Variants in MAF observed in about 807,000 individuals in gnomAD.
MAF encodes the protein transcription factor Maf.
Under a neutral mutation model 22.0 loss-of-function variants are expected in MAF, and 10 were observed. The ratio of observed to expected loss-of-function variants is 0.45; its 90% CI spans 0.28 to 0.77. MAF has a LOEUF of 0.77. Ranked by LOEUF, MAF falls within the 30% of genes least tolerant of loss-of-function variation. The pLI is 0.12. For synonymous variants in MAF, 337 were observed against 255.8 expected, an observed-to-expected ratio of 1.32 and a Z score of -3.03; for missense variants, 544 against 548.4, an observed-to-expected ratio of 0.99 and a Z score of 0.08.
At chr16:79,219,760 A>G in the MAF span, among the ~76,000 whole-genome samples, 2 of 152,102 alleles carry the variant, frequency 1.3e-5, no homozygotes, top group East Asian at 1.9e-4. Flanking sequence ...TGTACCTCAG[A>G]CTTCATTCCT....
rs530222992 is a variant in MAF at position 79,586,343 on chromosome 16, G to A, written c.1119-402C>T. 1.2e-4 allele frequency among the ~76,000 whole-genome samples: 18 copies of A among 152,282 alleles called. No individual in the cohort carries two copies. In the South Asian group the frequency reaches 2.9e-3, roughly 25 times the overall value. On this transcript the variant is annotated intron_variant, in intron 1 of 1. Coordinates refer to the MAF transcript ENST00000569649. ...TCTCTCAAGGACTCTCAGGCTGTCC[G>A]CCCCTGGGAGAACCACACTGGCCCA...
At chr16:79,215,208 T>G in the MAF span, among the ~76,000 whole-genome samples, 1 of 152,156 alleles carries the variant, frequency 6.6e-6, no homozygotes, top group African/African-American at 2.4e-5. Context: ...CACTGCTCCT[T>G]CCATAAGTTG....
the MAF span, among the ~76,000 whole-genome samples, chr16:79,447,948 C>G: frequency 6.9e-6 from 1 of 145,074 alleles, no homozygotes; most frequent in Admixed American, 6.9e-5. Context: ...GAAGATATGA[C>G]TGAATTGCTG....
chr16:79,246,310 C>G, the MAF span, among the ~76,000 whole-genome samples: 1 of 152,132 alleles, frequency 6.6e-6, no homozygotes, highest in African/African-American at 2.4e-5. Context: ...AAGAGTCCAT[C>G]TGTTTGAAAA....
At chr16:79,361,833 T>A in the MAF span, among the ~76,000 whole-genome samples, 1 of 152,158 alleles carries the variant, frequency 6.6e-6, no homozygotes, top group Non-Finnish European at 1.5e-5. Context: ...GATAAATGCT[T>A]AAAGTCCAGG....
the MAF span, among the ~76,000 whole-genome samples, chr16:79,239,377 C>G: frequency 6.6e-6 from 1 of 151,940 alleles, no homozygotes; most frequent in Non-Finnish European, 1.5e-5. Context: ...GGTAAAGTCC[C>G]GGGCAAGTTG....
the MAF span, among the ~76,000 whole-genome samples, chr16:79,266,212 G>T: frequency 6.6e-6 from 1 of 152,198 alleles, no homozygotes; most frequent in Admixed American, 6.5e-5. Flanking sequence ...AAGCTGGAGG[G>T]AGCAGGATTT....
intron 1 of MAF, among the ~76,000 whole-genome samples, chr16:79,586,919 T>A (rs1912879222): frequency 6.6e-6 from 1 of 152,256 alleles, no homozygotes; most frequent in Non-Finnish European, 1.5e-5. Context: ...CCAACATGGA[T>A]ATTCAGTTAT....
At chr16:79,445,397 T>G in the MAF span, among the ~76,000 whole-genome samples, 1 of 152,310 alleles carries the variant, frequency 6.6e-6, no homozygotes, top group African/African-American at 2.4e-5. Flanking sequence ...GTTGTTTGTT[T>G]GTTTAATCCA....
the MAF span, among the ~76,000 whole-genome samples, chr16:79,571,815 C>T: frequency 6.6e-6 from 1 of 152,076 alleles, no homozygotes; most frequent in Non-Finnish European, 1.5e-5. Context: ...GCTTTTCAGC[C>T]ACGTTGAACA....
At chr16:79,517,657 C>G in the MAF span, among the ~76,000 whole-genome samples, 1 of 149,768 alleles carries the variant, frequency 6.7e-6, no homozygotes, top group African/African-American at 2.5e-5. Context: ...TCACTGCAAT[C>G]TCTGCCTCCT....
the MAF span, among the ~76,000 whole-genome samples, chr16:79,562,403 T>C: frequency 6.6e-5 from 10 of 152,272 alleles, no homozygotes; most frequent in African/African-American, 2.4e-4. Flanking sequence ...GATGGAAGGA[T>C]AAGGAAATGG....
chr16:79,393,813 C>A, the MAF span, among the ~76,000 whole-genome samples: 1 of 152,112 alleles, frequency 6.6e-6, no homozygotes, highest in African/African-American at 2.4e-5. Context: ...TACGGAGGAG[C>A]TGATGAATGC....
the MAF span, among the ~76,000 whole-genome samples, chr16:79,242,072 C>A: frequency 6.6e-6 from 1 of 152,040 alleles, no homozygotes. Flanking sequence ...CAACTGGTAC[C>A]AGTCAATGCA....
the MAF span, among the ~76,000 whole-genome samples, chr16:79,216,270 T>C: frequency 2.0e-5 from 3 of 152,242 alleles, no homozygotes; most frequent in Admixed American, 6.5e-5. Context: ...CAAATATGTG[T>C]GCCATACATG....
chr16:79,480,888 C>G, the MAF span, among the ~76,000 whole-genome samples: 1 of 152,228 alleles, frequency 6.6e-6, no homozygotes, highest in African/African-American at 2.4e-5. Flanking sequence ...CAGTTCAAAA[C>G]TGCAAGCCAG....
chr16:79,558,286 A>G, the MAF span, among the ~76,000 whole-genome samples: 13 of 152,276 alleles, frequency 8.5e-5, no homozygotes, highest in Middle Eastern at 3.4e-3. Flanking sequence ...TATGAACTAT[A>G]AAGAGAAAGA....
the MAF span, among the ~76,000 whole-genome samples, chr16:79,451,891 G>T: frequency 6.6e-6 from 1 of 152,178 alleles, no homozygotes; most frequent in Non-Finnish European, 1.5e-5. Context: ...TTCAAACTAG[G>T]TAGAGCAAAT....
chr16:79,546,775 C>T, the MAF span, among the ~76,000 whole-genome samples: 5 of 151,924 alleles, frequency 3.3e-5, no homozygotes, highest in African/African-American at 1.2e-4. Flanking sequence ...ATATGTGTGA[C>T]CCAAAGAGAA....
Sources: gnomAD v4.1 joint callset for allele counts (sites outside exome capture counted in the v4.1 genomes callset) on GRCh38, gnomAD v4.1.1 for gene constraint, MANE v1.5 for transcripts, NCBI Gene and HGNC (gene_info 2026-07-23, HGNC 2026-07-21) for gene names.